REV3L: variants seen among roughly 807,000 people sequenced by gnomAD.
REV3L encodes DNA polymerase zeta catalytic subunit.
REV3L carries 69 observed loss-of-function variants against 299.4 expected under a neutral mutation model. The ratio of observed to expected loss-of-function variants is 0.23; its 90% CI spans 0.19 to 0.28. REV3L has a LOEUF of 0.28. Among genes scored for constraint, REV3L ranks in the 10% least tolerant of loss-of-function variants. The pLI is 1.00. For missense variants in REV3L, 3,128 were observed against 3,693.8 expected (o/e 0.85, Z 3.97); for synonymous variants, 1,238 against 1,271.4 (o/e 0.97, Z 0.56).
At chr6:111,409,982 A>G (rs576140977) in intron 3 of REV3L, among the ~76,000 whole-genome samples, 1 of 152,324 alleles carries the variant, frequency 6.6e-6, no homozygotes, top group East Asian at 1.9e-4. Context: ...TTTGCTCACC[A>G]TGTCTGCCCA....
chr6:111,360,980 C>T (rs1410109561), intron 16 of REV3L, among the ~76,000 whole-genome samples: 1 of 151,762 alleles, frequency 6.6e-6, no homozygotes, highest in African/African-American at 2.4e-5. Context: ...CTCTTCAGAA[C>T]TTAATTTTAA....
intron 1 of REV3L, among the ~76,000 whole-genome samples, chr6:111,473,724 T>C (rs1029658880): frequency 2.0e-5 from 3 of 152,108 alleles, no homozygotes; most frequent in African/African-American, 7.2e-5. Flanking sequence ...GGTTCTGTAT[T>C]TTTGTCTTTC....
chr6:111,376,371 A>G lies in REV3L; in HGVS notation c.1984T>C (p.Tyr662His), dbSNP rs760235882. ...GTAACAGATGGAATATCTTCTTCAT[A>G]ATCAAAAATACTACTTTCACAGGAA... ...VSSCESSIFD[Y>H]EEDIPSVTRQ... The change falls in exon 13 of 32, where the codon TAT becomes CAT. Residue 662 changes from tyrosine to histidine, a missense_variant. Physicochemically the swap from Tyr to His is moderately conservative, Grantham distance 83. Transcript: ENST00000368802. 2 of 1,612,254 alleles carry G rather than the reference A, an allele frequency of 1.2e-6. No homozygotes were observed. The highest frequency in any genetic ancestry group is 1.7e-6 in the Non-Finnish European group (2 of 1,179,542).
chr6:111,304,651 G>C (rs1481053982), intron 31 of REV3L, among the ~76,000 whole-genome samples: 1 of 147,902 alleles, frequency 6.8e-6, no homozygotes, highest in Admixed American at 6.7e-5. Flanking sequence ...TATACATGTA[G>C]GTTTGTTACA....
chr6:111,396,898 C>T (rs540974306), intron 4 of REV3L, among the ~76,000 whole-genome samples: 16 of 152,242 alleles, frequency 1.1e-4, no homozygotes, highest in African/African-American at 3.1e-4. Context: ...CACATTCCCT[C>T]TAGGTTTCCC....
rs780124362 is a variant in REV3L at position 111,392,900 on chromosome 6, C to T, written c.638G>A (p.Arg213Gln). 10 of 1,611,078 alleles carry T rather than the reference C, an allele frequency of 6.2e-6. No individual in the cohort carries two copies. Among genetic ancestry groups the T allele is most frequent in the East Asian group, 4.5e-5 (2 of 44,738 alleles). The change falls in exon 5 of 32, where the codon CGG becomes CAG. Residue 213 changes from arginine to glutamine, a missense_variant. Arg to Gln is a conservative substitution (Grantham distance 43). Around this residue, in one of 9 missense-constraint regions of REV3L, gnomAD observed 2,409 missense variants for 2,611.8 expected, o/e 0.92. Transcript: ENST00000368802. ...SGNSLADTLF[R>Q]WEQDEIPSSL... ...CCTTGGTATTTCATCTTGTTCCCAC[C>T]GAAATAAAGTATCAGCAAGAGAATT...
rs1461751537 is a variant in REV3L at position 111,367,456 on chromosome 6, T to C, written c.6332A>G (p.Asp2111Gly). 5 of 1,609,690 alleles carry C rather than the reference T, an allele frequency of 3.1e-6. No individual in the cohort carries two copies. The East Asian group carries it at 1.1e-4, about 36-fold the overall frequency. The part of the protein sequence containing the change: ...SDPEKDEDDD[D>G]NYYISYSSPD... ...GGAGCTATAACTAATGTAATAGTTATCATCATCATCTTCATCTTTTTCGGG... is the reference window on the plus strand; with the variant it reads ...GGAGCTATAACTAATGTAATAGTTACCATCATCATCTTCATCTTTTTCGGG... The change falls in exon 14 of 32, where the codon GAT becomes GGT. Residue 2111 changes from aspartate (D) to glycine (G), a missense_variant. Transcript: ENST00000368802.
chr6:111,326,813 A>C (rs1408686819), intron 25 of REV3L, among the ~76,000 whole-genome samples: 4 of 152,224 alleles, frequency 2.6e-5, no homozygotes, highest in South Asian at 4.1e-4. Context: ...CCTTTAAAAA[A>C]AAAAAAAGTG....
chr6:111,389,116 A>T lies in REV3L; in HGVS notation c.852T>A (p.Pro284=), dbSNP rs146840980. 1 of 1,612,850 alleles carries T rather than the reference A, an allele frequency of 6.2e-7. No individual in the cohort carries two copies. Among genetic ancestry groups the T allele is most frequent in the Non-Finnish European group, 8.5e-7 (1 of 1,178,886 alleles). The change falls in exon 7 of 32, where the codon CCT becomes CCA. Residue 284 remains proline, a synonymous_variant. Coordinates refer to ENST00000368802, the MANE Select transcript of REV3L (RefSeq NM_001372078.1). ...CTATTAGGTTTATACCTTGTGACTC[A>T]GGTTGGCTCATTTGAGAAGTTTCAT... The part of the protein sequence containing the change: ...NRNETSQMSQ[P]ESQDHRFVPA...
At chr6:111,433,836 A>G (rs1238831431) in intron 1 of REV3L, among the ~76,000 whole-genome samples, 2 of 152,216 alleles carry the variant, frequency 1.3e-5, no homozygotes, top group African/African-American at 4.8e-5. Context: ...TCAACATCAC[A>G]TTAGAAAGAT....
At chr6:111,466,257 T>C (rs564377431) in intron 1 of REV3L, among the ~76,000 whole-genome samples, 3 of 152,220 alleles carry the variant, frequency 2.0e-5, no homozygotes, top group Non-Finnish European at 4.4e-5. Context: ...AAAAGACTTA[T>C]CGGTCATGAA....
intron 13 of REV3L, among the ~76,000 whole-genome samples, chr6:111,369,336 C>T (rs1030651798): frequency 3.5e-5 from 5 of 144,794 alleles, no homozygotes; most frequent in African/African-American, 1.3e-4. Context: ...AGTTTTCTTA[C>T]ATATTGTCAG....
chr6:111,352,914 G>A (rs539965139), intron 18 of REV3L, among the ~76,000 whole-genome samples: 9 of 152,150 alleles, frequency 5.9e-5, no homozygotes, highest in African/African-American at 1.7e-4. Flanking sequence ...AATTTATTTC[G>A]AGTGGAAAAT....
chr6:111,389,085 A>T, intron 7 of REV3L, 21 bp downstream of exon 7: 1 of 1,520,984 alleles, frequency 6.6e-7, no homozygotes, highest in South Asian at 1.1e-5. Context: ...AAGAATAATC[A>T]GAGCACTATT....
intron 28 of REV3L, 111 bp downstream of exon 28, chr6:111,313,241 A>T: frequency 2.3e-6 from 2 of 870,236 alleles, no homozygotes; most frequent in South Asian, 4.3e-5. Context: ...TATATTAATT[A>T]TATAGGCTAT....
At chr6:111,317,519 C>A (rs1773669108) in intron 26 of REV3L, among the ~76,000 whole-genome samples, 1 of 152,170 alleles carries the variant, frequency 6.6e-6, no homozygotes, top group African/African-American at 2.4e-5. Flanking sequence ...CAGGGTCTCA[C>A]TCTGTTACCG....
At chr6:111,330,056 AACTTTG>A (rs1415042450) in intron 24 of REV3L, among the ~76,000 whole-genome samples, 1 of 152,150 alleles carries the variant, frequency 6.6e-6, no homozygotes, top group African/African-American at 2.4e-5. Flanking sequence ...TTTTGTTCGA[AACTTTG>A]ACAGAAACCC....
chr6:111,368,597 C>A (rs919922251), intron 13 of REV3L, among the ~76,000 whole-genome samples: 1 of 152,086 alleles, frequency 6.6e-6, no homozygotes, highest in African/African-American at 2.4e-5. Context: ...GGGATTAACA[C>A]TGACATAACT....
intron 27 of REV3L, among the ~76,000 whole-genome samples, chr6:111,314,043 C>A (rs928048084): frequency 6.6e-6 from 1 of 152,152 alleles, no homozygotes; most frequent in Non-Finnish European, 1.5e-5. Flanking sequence ...GTTATGTTTA[C>A]AACAAGAGAC....
Sources: allele counts gnomAD v4.1 joint callset (sites outside exome capture counted in the v4.1 genomes callset), GRCh38; gene constraint gnomAD v4.1.1; regional missense constraint gnomAD v4.1.1; transcripts MANE v1.5; gene names NCBI Gene and HGNC (gene_info 2026-07-23, HGNC 2026-07-21).